ATXN7L1: variants seen among roughly 807,000 people sequenced by gnomAD.
The protein encoded by ATXN7L1 is ataxin 7 like 1, also known as ataxin-7-like protein 1.
A neutral mutation model predicts 70.8 loss-of-function variants in ATXN7L1; 15 were observed. The ratio of observed to expected loss-of-function variants is 0.21; its 90% CI spans 0.14 to 0.33. ATXN7L1 has a LOEUF of 0.33. ATXN7L1 is among the 10% of genes least tolerant of loss of function. ATXN7L1 has a pLI of 1.00. For synonymous variants in ATXN7L1, 440 were observed against 445.1 expected (o/e 0.99, Z 0.14); for missense variants, 975 against 1,097.1 (o/e 0.89, Z 1.57).
chr7:105,610,995 G>A (rs183398156), intron 10 of ATXN7L1, among the ~76,000 whole-genome samples: 170 of 152,264 alleles, frequency 1.1e-3, no homozygotes, highest in Non-Finnish European at 1.9e-3. Flanking sequence ...CTGACCCTCC[G>A]TCCCAAACCC....
intron 3 of ATXN7L1, among the ~76,000 whole-genome samples, chr7:105,710,902 A>G (rs1252158895): frequency 6.6e-6 from 1 of 152,192 alleles, no homozygotes. Flanking sequence ...ACAGTTCCAC[A>G]TGGCTGGAGA....
intron 8 of ATXN7L1, among the ~76,000 whole-genome samples, chr7:105,622,290 T>C (rs371817289): frequency 6.6e-6 from 1 of 152,198 alleles, no homozygotes; most frequent in Non-Finnish European, 1.5e-5. Context: ...TCTGGACAAA[T>C]GTCTTGATGT....
intron 2 of ATXN7L1, among the ~76,000 whole-genome samples, chr7:105,859,523 T>C (rs1816244264): frequency 6.6e-6 from 1 of 152,162 alleles, no homozygotes; most frequent in South Asian, 2.1e-4. Flanking sequence ...ACCTTTTCTA[T>C]GTTTCAATCT....
intron 4 of ATXN7L1, among the ~76,000 whole-genome samples, chr7:105,654,157 G>A (rs1054403413): frequency 2.0e-5 from 3 of 152,214 alleles, no homozygotes; most frequent in Non-Finnish European, 4.4e-5. Flanking sequence ...AATGTTCTCA[G>A]TGGAAGTTAA....
At chr7:105,801,192 A>G (rs1806767637) in intron 2 of ATXN7L1, among the ~76,000 whole-genome samples, 1 of 152,216 alleles carries the variant, frequency 6.6e-6, no homozygotes, top group South Asian at 2.1e-4. Context: ...AAACAGAGCA[A>G]AACAGTTAGT....
chr7:105,729,620 G>A (rs972050707), intron 3 of ATXN7L1, among the ~76,000 whole-genome samples: 6 of 151,866 alleles, frequency 4.0e-5, no homozygotes, highest in African/African-American at 1.5e-4. Context: ...AGTAGAGACA[G>A]GGTTTCACCA....
At chr7:105,763,607 T>A (rs150749248) in intron 3 of ATXN7L1, among the ~76,000 whole-genome samples, 1 of 152,330 alleles carries the variant, frequency 6.6e-6, no homozygotes, top group East Asian at 1.9e-4. Context: ...TTTTTGCTCA[T>A]CTGCAATTTC....
At chr7:105,735,510 T>G (rs923714754) in intron 3 of ATXN7L1, among the ~76,000 whole-genome samples, 1 of 152,226 alleles carries the variant, frequency 6.6e-6, no homozygotes, top group East Asian at 1.9e-4. Context: ...CAAGAGAGAC[T>G]GGACCCAACA....
chr7:105,776,496 C>T (rs907844598), intron 3 of ATXN7L1, among the ~76,000 whole-genome samples: 2 of 147,392 alleles, frequency 1.4e-5, no homozygotes, highest in African/African-American at 5.0e-5. Flanking sequence ...ACAAACAACC[C>T]CCCCCCCAAA....
At chr7:105,834,879 C>T (rs1263586446) in intron 2 of ATXN7L1, among the ~76,000 whole-genome samples, 7 of 151,946 alleles carry the variant, frequency 4.6e-5, no homozygotes, top group African/African-American at 7.3e-5. Flanking sequence ...GGGCTGCAGA[C>T]GAAACGCAAT....
At chr7:105,781,064 G>T (rs565855668) in intron 3 of ATXN7L1, among the ~76,000 whole-genome samples, 3 of 152,270 alleles carry the variant, frequency 2.0e-5, no homozygotes, top group Admixed American at 1.3e-4. Flanking sequence ...GATTAGGAGT[G>T]GGGTAGAGAC....
intron 3 of ATXN7L1, among the ~76,000 whole-genome samples, chr7:105,711,226 A>C (rs909660859): frequency 2.0e-5 from 3 of 151,978 alleles, no homozygotes; most frequent in African/African-American, 7.3e-5. Flanking sequence ...CTCCAATTCA[A>C]CATGAGATTT....
At chr7:105,831,680 G>C (rs1811634862) in intron 2 of ATXN7L1, among the ~76,000 whole-genome samples, 1 of 152,222 alleles carries the variant, frequency 6.6e-6, no homozygotes, top group African/African-American at 2.4e-5. Context: ...GTAGACCCAA[G>C]ATGCCAGTAA....
intron 2 of ATXN7L1, among the ~76,000 whole-genome samples, chr7:105,796,589 A>C (rs895804370): frequency 1.3e-5 from 2 of 152,198 alleles, no homozygotes; most frequent in African/African-American, 4.8e-5. Flanking sequence ...ATTCCTGAGA[A>C]GAACAGCAAC....
intron 3 of ATXN7L1, among the ~76,000 whole-genome samples, chr7:105,756,581 A>C (rs2116399759): frequency 6.6e-6 from 1 of 152,336 alleles, no homozygotes; most frequent in East Asian, 1.9e-4. Flanking sequence ...TGGATGTAGC[A>C]AAAACCTAAG....
At chr7:105,685,238 G>A (rs1806036458) in intron 3 of ATXN7L1, among the ~76,000 whole-genome samples, 1 of 152,118 alleles carries the variant, frequency 6.6e-6, no homozygotes, top group African/African-American at 2.4e-5. Context: ...TCTGAGGTTA[G>A]CAGTACCTCC....
intron 2 of ATXN7L1, among the ~76,000 whole-genome samples, chr7:105,851,336 C>A (rs1585151288): frequency 6.6e-6 from 1 of 152,192 alleles, no homozygotes; most frequent in Admixed American, 6.5e-5. Flanking sequence ...CTACGCCTTT[C>A]CCCCTGCACC....
chr7:105,627,841 G>GTTT lies in ATXN7L1; in HGVS notation c.1203-3577_1203-3575dup, dbSNP rs36028028. On this transcript the variant is annotated intron_variant, in intron 7 of 11. Coordinates refer to ENST00000419735, the MANE Select transcript of ATXN7L1 (RefSeq NM_020725.2). The stretch of plus-strand genomic sequence containing the variant: ...GCCACCACGCCCGGTCCTGTCTTTA[G>GTTT]TTTTTTTTTTTTTTTTTTTTTGAGA... Among the ~76,000 whole-genome samples the GTTT allele has an allele frequency of 2.3e-3, 195 of 86,416 alleles. 15 individuals are homozygous for GTTT. Among genetic ancestry groups the GTTT allele is most frequent in the African/African-American group, 2.5e-3 (51 of 20,140 alleles). The allele number at this position is 86,416 out of a possible 152,430, so 56.7% of individuals were successfully genotyped here.
chr7:105,705,544 C>A (rs972383403), intron 3 of ATXN7L1, among the ~76,000 whole-genome samples: 1 of 152,150 alleles, frequency 6.6e-6, no homozygotes, highest in African/African-American at 2.4e-5. Flanking sequence ...TATCTTTGAG[C>A]TGCAGAAGGA....
Sources: allele counts gnomAD v4.1 joint callset (sites outside exome capture counted in the v4.1 genomes callset), GRCh38; gene constraint gnomAD v4.1.1; transcripts MANE v1.5; gene names NCBI Gene and HGNC (gene_info 2026-07-23, HGNC 2026-07-21).